ZFHX3: variants seen among roughly 807,000 people sequenced by gnomAD.
ZFHX3 encodes the protein zinc finger homeobox 3, also known as zinc finger homeobox protein 3.
ZFHX3 carries 42 observed loss-of-function variants against 279.1 expected under a neutral mutation model. That is an observed-to-expected ratio of 0.15 (90% CI 0.12 to 0.19). The LOEUF is 0.19. Among genes scored for constraint, ZFHX3 ranks in the 10% least tolerant of loss-of-function variants. The pLI, the probability that ZFHX3 is intolerant of heterozygous loss-of-function variation, is 1.00. For missense variants in ZFHX3, 4,981 were observed against 4,754.0 expected (o/e 1.05, Z -1.40); for synonymous variants, 2,293 against 1,957.8 (o/e 1.17, Z -4.52).
At chr16:72,842,238 G>C (rs1162081044) in intron 4 of ZFHX3, among the ~76,000 whole-genome samples, 1 of 150,828 alleles carries the variant, frequency 6.6e-6, no homozygotes, top group African/African-American at 2.4e-5. Context: ...CTTTTTTTGA[G>C]ACAAGGTCTT....
At chr16:73,578,499 G>A (rs945346533) in intron 2 of ZFHX3, among the ~76,000 whole-genome samples, 6 of 152,110 alleles carry the variant, frequency 3.9e-5, no homozygotes, top group Admixed American at 1.3e-4. Flanking sequence ...ATGCTAAGAG[G>A]CTTTATGATT....
chr16:73,670,543 A>C (rs887580765), intron 2 of ZFHX3, among the ~76,000 whole-genome samples: 2 of 152,198 alleles, frequency 1.3e-5, no homozygotes, highest in African/African-American at 4.8e-5. Context: ...CAAAAGTAGA[A>C]ATGTAGCATG....
chr16:73,725,414 A>G (rs79705194), intron 1 of ZFHX3, among the ~76,000 whole-genome samples: 2,268 of 152,224 alleles, frequency 0.015, 60 homozygotes, highest in African/African-American at 0.052. Context: ...GAGCAGGAAG[A>G]CCCAGGAGAT....
At chr16:72,933,304 T>C (rs1959922736) in intron 3 of ZFHX3, among the ~76,000 whole-genome samples, 1 of 151,256 alleles carries the variant, frequency 6.6e-6, no homozygotes, top group African/African-American at 2.5e-5. Context: ...CAACAGATCA[T>C]CATTACTACT....
chr16:73,229,376 T>A (rs2012700825), intron 5 of ZFHX3, among the ~76,000 whole-genome samples: 1 of 152,338 alleles, frequency 6.6e-6, no homozygotes, highest in Middle Eastern at 3.4e-3. Flanking sequence ...GAATATATTT[T>A]GAATAAAAGT....
chr16:73,871,013 G>T (rs892786738), intron 1 of ZFHX3, among the ~76,000 whole-genome samples: 3 of 152,118 alleles, frequency 2.0e-5, no homozygotes, highest in African/African-American at 4.8e-5. Flanking sequence ...TATGTACCAG[G>T]GAGCTGTAGA....
intron 1 of ZFHX3, among the ~76,000 whole-genome samples, chr16:73,834,445 A>G (rs1000544836): frequency 6.6e-6 from 1 of 152,358 alleles, no homozygotes; most frequent in Admixed American, 6.5e-5. Flanking sequence ...GAGGGATGGC[A>G]GGTCCCAAGA....
In ZFHX3 at chr16:73,584,017, T is replaced by C. The variant is rs566515935; in HGVS notation, c.-1547+96163A>G. Among the ~76,000 whole-genome samples the C allele has an allele frequency of 1.0e-3, 154 of 152,310 alleles. 4 individuals are homozygous for C. The South Asian group carries it at 0.029, about 29-fold the overall frequency. ...TTTAAAAATATGCTTAGACATTGAA[T>C]TCTAAAATCTCAAAAAACAGGCTAA... is the stretch of plus-strand genomic sequence containing the variant. On this transcript the variant is annotated intron_variant, in intron 2 of 17. Coordinates refer to the ZFHX3 transcript ENST00000641206.
intron 2 of ZFHX3, among the ~76,000 whole-genome samples, chr16:73,654,843 G>C (rs2052707094): frequency 7.0e-6 from 1 of 142,854 alleles, no homozygotes; most frequent in Non-Finnish European, 1.5e-5. Context: ...TCTTCTAAAC[G>C]ATAGTAATCA....
At chr16:73,519,011 T>A (rs2019569517) in intron 2 of ZFHX3, among the ~76,000 whole-genome samples, 1 of 152,212 alleles carries the variant, frequency 6.6e-6, no homozygotes, top group South Asian at 2.1e-4. Context: ...TGTCTACTAA[T>A]GGAAAATGTG....
intron 3 of ZFHX3, among the ~76,000 whole-genome samples, chr16:73,432,120 G>A (rs896069155): frequency 1.3e-5 from 2 of 152,152 alleles, no homozygotes; most frequent in Non-Finnish European, 1.5e-5. Flanking sequence ...TTCTGTCTAA[G>A]CACAAGAAAT....
intron 7 of ZFHX3, among the ~76,000 whole-genome samples, chr16:73,128,895 A>G (rs1447809542): frequency 6.6e-6 from 1 of 152,222 alleles, no homozygotes; most frequent in Non-Finnish European, 1.5e-5. Context: ...GGGGATGGTA[A>G]CACTCACCTC....
At position 73,157,877 on chromosome 16, in the gene ZFHX3, C is replaced by A. The variant is rs988105278; in HGVS notation, c.-1103-14046G>T. Among the ~76,000 whole-genome samples, 3 of 152,146 alleles carry A rather than the reference C, an allele frequency of 2.0e-5. No individual in the cohort carries two copies. The East Asian group carries it at 5.8e-4, about 29-fold the overall frequency. On this transcript the variant is annotated intron_variant, in intron 5 of 17. Transcript: ENST00000641206. ...AAGAGCCTCTGAGAGAGAGAAGCAGCCCCTTAAGAGTCTGCTAATAATTGG... is the reference window on the plus strand; with the variant it reads ...AAGAGCCTCTGAGAGAGAGAAGCAGACCCTTAAGAGTCTGCTAATAATTGG...
At position 73,534,913 on chromosome 16, in the gene ZFHX3, A is replaced by T. The variant is rs191412009; in HGVS notation, c.-1546-78655T>A. On this transcript the variant is annotated intron_variant, in intron 2 of 17. Transcript: ENST00000641206. The stretch of plus-strand genomic sequence containing the variant: ...ACTCCCCAATCATCTCACTCTCATG[A>T]CCCATGCATGGAGTGGGATGCTGTT... 8.1e-4 allele frequency among the ~76,000 whole-genome samples: 123 copies of T among 152,144 alleles called. 1 individual carries two copies. The East Asian group carries it at 0.022, about 28-fold the overall frequency.
At chr16:73,840,897 A>G (rs573072993) in intron 1 of ZFHX3, among the ~76,000 whole-genome samples, 1 of 152,258 alleles carries the variant, frequency 6.6e-6, no homozygotes, top group African/African-American at 2.4e-5. Context: ...AGAGGTGGGT[A>G]GGTAAAGGAA....
chr16:73,252,936 C>T (rs1233804985), intron 5 of ZFHX3, among the ~76,000 whole-genome samples: 1 of 152,190 alleles, frequency 6.6e-6, no homozygotes, highest in Admixed American at 6.5e-5. Flanking sequence ...GAGAGAATGA[C>T]CTTTTCTCCA....
At chr16:73,781,320 C>T (rs1249752754) in intron 1 of ZFHX3, among the ~76,000 whole-genome samples, 1 of 152,190 alleles carries the variant, frequency 6.6e-6, no homozygotes, top group Non-Finnish European at 1.5e-5. Context: ...GATTAAGCAG[C>T]TCGATTATAA....
At chr16:73,753,447 C>T (rs1375415124) in intron 1 of ZFHX3, among the ~76,000 whole-genome samples, 1 of 152,170 alleles carries the variant, frequency 6.6e-6, no homozygotes, top group African/African-American at 2.4e-5. Context: ...TTTACTTCTC[C>T]TTTCCTAGAA....
At chr16:73,325,216 G>T (rs1035899369) in intron 3 of ZFHX3, among the ~76,000 whole-genome samples, 2 of 152,096 alleles carry the variant, frequency 1.3e-5, no homozygotes, top group Non-Finnish European at 2.9e-5. Flanking sequence ...GATGGTTAAT[G>T]TGAGGTCAGT....
Sources: allele counts gnomAD v4.1 joint callset (sites outside exome capture counted in the v4.1 genomes callset), GRCh38; gene constraint gnomAD v4.1.1; transcripts MANE v1.5; gene names NCBI Gene and HGNC (gene_info 2026-07-23, HGNC 2026-07-21).